The following TTC28 variants were observed in gnomAD, a reference collection of about 807,000 sequenced individuals.
TTC28 encodes tetratricopeptide repeat protein 28.
A neutral mutation model predicts 198.0 loss-of-function variants in TTC28; 61 were observed. The ratio of observed to expected loss-of-function variants is 0.31; its 90% CI spans 0.25 to 0.38. The LOEUF (loss-of-function observed/expected upper bound fraction) is 0.38, where lower values mean the gene tolerates loss of function less well. Ranked by LOEUF, TTC28 falls within the 10% of genes least tolerant of loss-of-function variation. The probability of loss-of-function intolerance (pLI) is 1.00; values close to 1 mark genes in which losing one functional copy is unlikely to be tolerated. For missense variants in TTC28, 2,678 were observed against 3,164.0 expected, an observed-to-expected ratio of 0.85 and a Z score of 3.69; for synonymous variants, 1,171 against 1,297.8, an observed-to-expected ratio of 0.90 and a Z score of 2.10.
chr22:28,395,214 T>A, intron 2 of TTC28, among the ~76,000 whole-genome samples: 1 of 152,176 alleles, frequency 6.6e-6, no homozygotes, highest in East Asian at 1.9e-4. Flanking sequence ...GATTTGTTTT[T>A]AACACATACA....
At chr22:28,073,035 GAGCCCAGC>G (rs1443005811) in intron 12 of TTC28, among the ~76,000 whole-genome samples, 1 of 152,196 alleles carries the variant, frequency 6.6e-6, no homozygotes, top group African/African-American at 2.4e-5. Context: ...GTTATCATAA[GAGCCCAGC>G]CTGGCATGGG....
intron 5 of TTC28, among the ~76,000 whole-genome samples, chr22:28,220,924 T>C (rs780523188): frequency 2.0e-5 from 3 of 152,050 alleles, no homozygotes; most frequent in Admixed American, 6.5e-5. Flanking sequence ...CTTGACAGTA[T>C]GGAGAGAAGG....
At chr22:28,530,280 C>T (rs962892019) in intron 2 of TTC28, among the ~76,000 whole-genome samples, 6 of 151,918 alleles carry the variant, frequency 3.9e-5, no homozygotes, top group African/African-American at 1.5e-4. Flanking sequence ...CTTCAGCAGC[C>T]GATTCGATCA....
intron 1 of TTC28, among the ~76,000 whole-genome samples, chr22:28,642,131 G>A (rs1388938218): frequency 6.6e-6 from 1 of 151,536 alleles, no homozygotes; most frequent in Non-Finnish European, 1.5e-5. Context: ...AGTCAAGAAT[G>A]CATGTTGTAA....
intron 6 of TTC28, among the ~76,000 whole-genome samples, chr22:28,148,983 G>T (rs1569163345): frequency 6.6e-6 from 1 of 152,160 alleles, no homozygotes; most frequent in African/African-American, 2.4e-5. Context: ...GACATACACA[G>T]TAATTAATGA....
At chr22:28,388,004 CTTGAA>C (rs2046642019) in intron 2 of TTC28, among the ~76,000 whole-genome samples, 1 of 152,172 alleles carries the variant, frequency 6.6e-6, no homozygotes, top group African/African-American at 2.4e-5. Context: ...TTTAATCCAT[CTTGAA>C]TTGATTTTTG....
At chr22:28,455,531 T>A (rs968537507) in intron 2 of TTC28, among the ~76,000 whole-genome samples, 1 of 151,316 alleles carries the variant, frequency 6.6e-6, no homozygotes, top group Non-Finnish European at 1.5e-5. Flanking sequence ...CTGGCCAACA[T>A]AGTGAAATTC....
intron 2 of TTC28, among the ~76,000 whole-genome samples, chr22:28,508,882 G>C (rs925244639): frequency 1.3e-5 from 2 of 151,936 alleles, no homozygotes; most frequent in African/African-American, 4.8e-5. Flanking sequence ...AAGTGGACCT[G>C]ATAGAGATCT....
At chr22:28,638,191 T>C (rs1019274226) in intron 1 of TTC28, among the ~76,000 whole-genome samples, 2 of 152,154 alleles carry the variant, frequency 1.3e-5, no homozygotes, top group Admixed American at 6.5e-5. Flanking sequence ...AACTATACTT[T>C]AGACCAAATG....
At chr22:28,075,343 C>G (rs1941133156) in intron 12 of TTC28, among the ~76,000 whole-genome samples, 1 of 152,116 alleles carries the variant, frequency 6.6e-6, no homozygotes, top group Admixed American at 6.5e-5. Context: ...ATTCCTGCAA[C>G]TGCGTCTCTT....
In TTC28 at chr22:27,983,187, T is replaced by C. The variant is rs549696928; in HGVS notation, c.6480A>G (p.Gln2160=). The C allele has an allele frequency of 1.9e-6, 3 of 1,551,838 alleles. No homozygotes were observed. Among genetic ancestry groups the C allele is most frequent in the African/African-American group, 1.4e-5 (1 of 73,176 alleles). ...QEESNPKLDP[Q]ELAQKILEET... is the part of the protein sequence containing the mutation. The stretch of plus-strand genomic sequence containing the variant: ...CCTCCAGAATTTTCTGGGCTAACTC[T>C]TGTGGATCCAGTTTTGGGTTGCTTT... The change falls in exon 23 of 23, where the codon CAA becomes CAG. Residue 2160 remains glutamine, a synonymous_variant. Transcript: ENST00000397906.
At chr22:28,130,078 A>T (rs546564741) in intron 6 of TTC28, among the ~76,000 whole-genome samples, 131 of 152,308 alleles carry the variant, frequency 8.6e-4, no homozygotes, top group Admixed American at 2.4e-3. Flanking sequence ...TGTTTATGAG[A>T]CTTTATAGCA....
chr22:28,590,034 CAAAA>C (rs71194779), intron 2 of TTC28, among the ~76,000 whole-genome samples: 681 of 67,952 alleles, frequency 0.01, 7 homozygotes, highest in African/African-American at 0.065. Context: ...AAGACTCCAT[CAAAA>C]AAAAAAAAAA....
Position 28,335,925 on chromosome 22 carries a change from A to G in TTC28, c.382-29282T>C, listed in dbSNP as rs556889554. Among the ~76,000 whole-genome samples the G allele has an allele frequency of 8.5e-5, 13 of 152,312 alleles. No individual in the cohort carries two copies. In the East Asian group the frequency reaches 1.7e-3, roughly 20 times the overall value. ...CATCCCTGTCTTGTGCCAGTTTTCA[A>G]AGGGAATGCTTCCAGTTTTTGGCCA... On this transcript the variant is annotated intron_variant, in intron 2 of 22. Transcript: ENST00000397906.
At chr22:28,523,618 A>C (rs983769996) in intron 2 of TTC28, among the ~76,000 whole-genome samples, 2 of 152,178 alleles carry the variant, frequency 1.3e-5, no homozygotes, top group Admixed American at 1.3e-4. Flanking sequence ...CAAGCCTCAA[A>C]ATAGCCCAGT....
At chr22:28,663,247 CAAA>C (rs527687773) in intron 1 of TTC28, among the ~76,000 whole-genome samples, 9 of 65,740 alleles carry the variant, frequency 1.4e-4, no homozygotes, top group Admixed American at 5.4e-4. Context: ...AACTCCGTCT[CAAA>C]AAAAAAAAAA....
intron 5 of TTC28, among the ~76,000 whole-genome samples, chr22:28,247,142 C>T (rs767667835): frequency 1.7e-4 from 26 of 152,102 alleles, no homozygotes; most frequent in Non-Finnish European, 2.2e-4. Flanking sequence ...ATAGATGATG[C>T]GGCTGCTGGG....
At chr22:28,168,452 T>C (rs557213161) in intron 5 of TTC28, among the ~76,000 whole-genome samples, 3 of 152,274 alleles carry the variant, frequency 2.0e-5, no homozygotes, top group African/African-American at 7.2e-5. Context: ...CAAAACAGCA[T>C]GGTACTGGTA....
intron 14 of TTC28, among the ~76,000 whole-genome samples, chr22:28,004,348 G>C (rs1024503793): frequency 6.6e-6 from 1 of 152,230 alleles, no homozygotes; most frequent in Non-Finnish European, 1.5e-5. Flanking sequence ...GGGAGAGGGG[G>C]CTGTACCCAA....
Sources: gnomAD v4.1 joint callset for allele counts (sites outside exome capture counted in the v4.1 genomes callset) on GRCh38, gnomAD v4.1.1 for gene constraint, MANE v1.5 for transcripts, NCBI Gene and HGNC (gene_info 2026-07-23, HGNC 2026-07-21) for gene names.